GNAZ: variants seen among roughly 807,000 people sequenced by gnomAD.
GNAZ encodes the protein G protein subunit alpha z, also known as guanine nucleotide-binding protein G(z) subunit alpha.
Under a neutral mutation model 25.4 loss-of-function variants are expected in GNAZ, and 3 were observed. The observed-to-expected ratio is 0.12, with a 90% CI of 0.05 to 0.30. The LOEUF is 0.30. Among genes scored for constraint, GNAZ ranks in the 10% least tolerant of loss-of-function variants. GNAZ has a pLI of 1.00. For missense variants in GNAZ, 241 were observed against 501.8 expected (o/e 0.48, Z 4.97); for synonymous variants, 211 against 205.7 (o/e 1.03, Z -0.22).
intron 2 of GNAZ, among the ~76,000 whole-genome samples, chr22:23,099,638 G>A (rs987363062): frequency 6.6e-5 from 10 of 152,268 alleles, no homozygotes; most frequent in Admixed American, 3.9e-4. Flanking sequence ...GCTCCTGAGA[G>A]GCCATGTGTC....
chr22:23,095,576 C>T lies in GNAZ; in HGVS notation c.-120C>T. ...AGTGTGGCTCGGCCTCACCCCCCTGCTGGCACTGAGTGCCTCCAGGGCAGC... is the reference window on the plus strand; with the variant it reads ...AGTGTGGCTCGGCCTCACCCCCCTGTTGGCACTGAGTGCCTCCAGGGCAGC... On this transcript the variant is annotated 5_prime_UTR_variant, in exon 2 of 3. Transcript: ENST00000615612. 1 of 1,114,402 alleles carries T rather than the reference C, an allele frequency of 9.0e-7. No individual in the cohort carries two copies. Among genetic ancestry groups the T allele is most frequent in the Non-Finnish European group, 1.3e-6 (1 of 794,024 alleles). 69.0% of individuals were successfully genotyped at this position (1,114,402 alleles called of 1,614,324 possible).
rs1288818353 is a variant in GNAZ at position 23,071,258 on chromosome 22, A to G, written c.-450+688A>G. Among the ~76,000 whole-genome samples, 1 of 152,036 alleles carries G rather than the reference A, an allele frequency of 6.6e-6. No individual in the cohort carries two copies. The highest frequency in any genetic ancestry group is 1.5e-5 in the Non-Finnish European group (1 of 67,984). On this transcript the variant is annotated intron_variant, in intron 1 of 2. Transcript: ENST00000615612. The surrounding 1 kb of genome is among the most constrained non-coding windows in gnomAD (Gnocchi z 4.1). ...GAGGGCCTCAGGGCTGGCGCTCCGT[A>G]TCCTGCGGGCGATCCGAGGGGGCTC...
At chr22:23,121,219 T>C (rs1410562919) in intron 2 of GNAZ, among the ~76,000 whole-genome samples, 1 of 152,202 alleles carries the variant, frequency 6.6e-6, no homozygotes, top group Non-Finnish European at 1.5e-5. Context: ...TCCTCAGGAC[T>C]CCTGTTATTC....
chr22:23,119,530 A>G (rs1449141484), intron 2 of GNAZ, among the ~76,000 whole-genome samples: 2 of 152,098 alleles, frequency 1.3e-5, no homozygotes, highest in Admixed American at 6.5e-5. Flanking sequence ...TCAGCACCAC[A>G]CTGCCAGCAC....
At chr22:23,112,964 G>C (rs1286508948) in intron 2 of GNAZ, among the ~76,000 whole-genome samples, 1 of 152,192 alleles carries the variant, frequency 6.6e-6, no homozygotes, top group Non-Finnish European at 1.5e-5. Context: ...GGAGCGTTCT[G>C]ATAGGAACAT....
chr22:23,092,865 G>C (rs945146053), intron 1 of GNAZ, among the ~76,000 whole-genome samples: 11 of 152,228 alleles, frequency 7.2e-5, no homozygotes, highest in African/African-American at 2.7e-4. Context: ...GTGGAATTGA[G>C]AAGAACAGTC....
chr22:23,105,676 T>C (rs2146344838), intron 2 of GNAZ, among the ~76,000 whole-genome samples: 1 of 152,362 alleles, frequency 6.6e-6, no homozygotes, highest in East Asian at 1.9e-4. Flanking sequence ...TGCAAGCTCC[T>C]GGCCAGGCCT....
intron 1 of GNAZ, among the ~76,000 whole-genome samples, chr22:23,091,642 A>T (rs117706500): frequency 0.011 from 1,637 of 151,596 alleles, 15 homozygotes; most frequent in Non-Finnish European, 0.02. Context: ...CTGCATACAC[A>T]CTGGCACCTA....
chr22:23,070,937 C>A (rs1438974836), intron 1 of GNAZ, among the ~76,000 whole-genome samples: 7 of 151,992 alleles, frequency 4.6e-5, no homozygotes, highest in African/African-American at 1.4e-4. Flanking sequence ...GCGGGCCAGG[C>A]GAGCTGCGGG....
At chr22:23,074,209 A>G (rs2068450481) in intron 1 of GNAZ, among the ~76,000 whole-genome samples, 1 of 152,254 alleles carries the variant, frequency 6.6e-6, no homozygotes, top group African/African-American at 2.4e-5. Context: ...ACACTTTGAA[A>G]AGATCTCTCT....
chr22:23,102,055 G>A (rs1013624835), intron 2 of GNAZ, among the ~76,000 whole-genome samples: 1 of 152,204 alleles, frequency 6.6e-6, no homozygotes, highest in Non-Finnish European at 1.5e-5. Context: ...TGGGCCACCC[G>A]TGGCCTAGAG....
chr22:23,100,798 G>A (rs1463340993), intron 2 of GNAZ, among the ~76,000 whole-genome samples: 1 of 152,190 alleles, frequency 6.6e-6, no homozygotes, highest in Non-Finnish European at 1.5e-5. Flanking sequence ...GAGCAGCTGG[G>A]ACACTCAGCC....
intron 1 of GNAZ, among the ~76,000 whole-genome samples, chr22:23,086,115 C>T (rs541028174): frequency 2.0e-5 from 3 of 152,342 alleles, no homozygotes; most frequent in East Asian, 3.9e-4. Flanking sequence ...GAAAGTAGGA[C>T]TATGAAGTCA....
At chr22:23,110,169 T>A (rs2069605721) in intron 2 of GNAZ, among the ~76,000 whole-genome samples, 1 of 152,180 alleles carries the variant, frequency 6.6e-6, no homozygotes, top group Admixed American at 6.5e-5. Context: ...GGTGCTTTCC[T>A]TGGGGCAAGG....
At chr22:23,102,157 C>T (rs992393512) in intron 2 of GNAZ, among the ~76,000 whole-genome samples, 11 of 152,240 alleles carry the variant, frequency 7.2e-5, no homozygotes, top group African/African-American at 1.2e-4. Flanking sequence ...AGGACTCAGC[C>T]TTAACTGGGG....
At chr22:23,118,153 T>C (rs1308153672) in intron 2 of GNAZ, among the ~76,000 whole-genome samples, 1 of 152,186 alleles carries the variant, frequency 6.6e-6, no homozygotes, top group Non-Finnish European at 1.5e-5. Flanking sequence ...GCAGGAGCTC[T>C]CTTCTCACAA....
intron 2 of GNAZ, among the ~76,000 whole-genome samples, chr22:23,100,382 C>T (rs1232954042): frequency 2.6e-5 from 4 of 152,232 alleles, no homozygotes; most frequent in East Asian, 1.9e-4. Flanking sequence ...CAGGGTTCAC[C>T]GTGGGAGGCC....
At chr22:23,089,865 A>G (rs553575510) in intron 1 of GNAZ, among the ~76,000 whole-genome samples, 83 of 152,216 alleles carry the variant, frequency 5.5e-4, no homozygotes, top group South Asian at 1.9e-3. Context: ...TTAAGAGCCT[A>G]CAGCCAAGAG....
At chr22:23,122,745 C>A in intron 2 of GNAZ, 1 of 307,692 alleles carries the variant, frequency 3.2e-6, no homozygotes, top group Non-Finnish European at 6.1e-6. Context: ...GATGGGGGGT[C>A]CTCGGAGCTG....
Sources: gnomAD v4.1 joint callset for allele counts (sites outside exome capture counted in the v4.1 genomes callset) on GRCh38, gnomAD v4.1.1 for gene constraint, Gnocchi (gnomAD v3.1) non-coding constraint, MANE v1.5 for transcripts, NCBI Gene and HGNC (gene_info 2026-07-23, HGNC 2026-07-21) for gene names.